The following PCDHGA4 variants were observed in gnomAD, a reference collection of about 807,000 sequenced individuals.
PCDHGA4 encodes the protein protocadherin gamma subfamily A, 4, also known as protocadherin gamma-A4.
A neutral mutation model predicts 54.6 loss-of-function variants in PCDHGA4; 38 were observed. The observed-to-expected ratio is 0.70, with a 90% CI of 0.54 to 0.91. PCDHGA4 has a LOEUF of 0.91. PCDHGA4 is among the 40% of genes least tolerant of loss of function. The pLI is 0.00. For missense variants in PCDHGA4, 1,298 were observed against 1,220.9 expected (o/e 1.06, Z -0.94); for synonymous variants, 511 against 512.9 (o/e 1.00, Z 0.05).
intron 1 of PCDHGA4, chr5:141,392,736 C>T: frequency 2.8e-6 from 4 of 1,429,672 alleles, no homozygotes; most frequent in Non-Finnish European, 3.7e-6. Context: ...TTGTCATCTC[C>T]ATAGCTGCGG....
chr5:141,505,590 A>G, intron 3 of PCDHGA4, 109 bp downstream of exon 3: 1 of 1,571,996 alleles, frequency 6.4e-7, no homozygotes, highest in East Asian at 2.3e-5. Context: ...TAGTTTCTCC[A>G]GATCTTTCGG....
intron 1 of PCDHGA4, 39 bp downstream of exon 1, chr5:141,357,660 A>G (rs1484445569): frequency 1.2e-6 from 2 of 1,605,080 alleles, no homozygotes; most frequent in South Asian, 2.2e-5. Flanking sequence ...ACACTGAAAT[A>G]TAGACAAAGA....
chr5:141,411,192 G>C (rs2095472836), intron 1 of PCDHGA4: 1 of 152,098 alleles, frequency 6.6e-6, no homozygotes, highest in African/African-American at 2.4e-5. Flanking sequence ...TGGCATCTAA[G>C]AAAACAAACA....
chr5:141,389,478 G>C (rs764977787), intron 1 of PCDHGA4: 1 of 1,613,150 alleles, frequency 6.2e-7, no homozygotes, highest in Non-Finnish European at 8.5e-7. Context: ...CACACTGCAG[G>C]CCCGCGACCA....
At chr5:141,422,171 T>C (rs1204753893) in intron 1 of PCDHGA4, 4 of 1,564,922 alleles carry the variant, frequency 2.6e-6, no homozygotes, top group Non-Finnish European at 3.4e-6. Context: ...AAATATAGAT[T>C]CTATGAGATG....
In PCDHGA4 at chr5:141,419,975, G is replaced by A. The variant is rs372316838; in HGVS notation, c.2514+62354G>A. ...CTTGATTTCTGTGCTCTTTCTCCTC[G>A]CGGTGATTCTAGCTATTGCTCTACG... On this transcript the variant is annotated intron_variant, in intron 1 of 3. Coordinates refer to ENST00000571252, the MANE Select transcript of PCDHGA4 (RefSeq NM_018917.4). 273 of 1,613,928 alleles carry A rather than the reference G, an allele frequency of 1.7e-4. No homozygotes were observed. The highest frequency in any genetic ancestry group is 2.2e-4 in the Non-Finnish European group (261 of 1,179,916).
At chr5:141,474,847 GC>G (rs1357496937) in intron 1 of PCDHGA4, among the ~76,000 whole-genome samples, 1 of 152,198 alleles carries the variant, frequency 6.6e-6, no homozygotes, top group East Asian at 1.9e-4. Context: ...CACTTTACCT[GC>G]CTTCTTCATT....
At chr5:141,469,012 C>T (rs1196140759) in intron 1 of PCDHGA4, among the ~76,000 whole-genome samples, 1 of 151,852 alleles carries the variant, frequency 6.6e-6, no homozygotes, top group Non-Finnish European at 1.5e-5. Flanking sequence ...TGCGGTGGGT[C>T]ACTCCTGTAA....
chr5:141,409,561 C>T (rs1296401858), intron 1 of PCDHGA4: 4 of 1,613,986 alleles, frequency 2.5e-6, no homozygotes, highest in Non-Finnish European at 3.4e-6. Context: ...CAGTTTTCGA[C>T]CAGACGTCCT....
intron 1 of PCDHGA4, chr5:141,415,215 C>A: frequency 6.2e-7 from 1 of 1,614,106 alleles, no homozygotes; most frequent in South Asian, 1.1e-5. Flanking sequence ...CGGACCTCGG[C>A]AGCTTCGAGT....
chr5:141,481,434 A>C (rs1374254063), intron 1 of PCDHGA4, among the ~76,000 whole-genome samples: 1 of 152,256 alleles, frequency 6.6e-6, no homozygotes, highest in East Asian at 1.9e-4. Context: ...TGATTGTATC[A>C]GTTTAGTACA....
intron 1 of PCDHGA4, chr5:141,359,994 C>A: frequency 9.3e-7 from 1 of 1,074,148 alleles, no homozygotes. Context: ...GGGGAACTTC[C>A]TGCACAAACC....
At chr5:141,441,932 C>A in intron 1 of PCDHGA4, 1 of 347,904 alleles carries the variant, frequency 2.9e-6, no homozygotes. Flanking sequence ...GCGTGGCTGT[C>A]CTACCACGTG....
chr5:141,396,525 C>T (rs2093390810), intron 1 of PCDHGA4: 1 of 151,326 alleles, frequency 6.6e-6, no homozygotes, highest in Non-Finnish European at 1.5e-5. Context: ...GAGGCTGAGG[C>T]AGAAGAATCA....
At chr5:141,365,067 A>G in intron 1 of PCDHGA4, 1 of 1,613,826 alleles carries the variant, frequency 6.2e-7, no homozygotes, top group Non-Finnish European at 8.5e-7. Context: ...ACCCCATCCG[A>G]GTACAGCGTG....
At position 141,372,429 on chromosome 5, in the gene PCDHGA4, C is replaced by T. The variant is rs754379317; in HGVS notation, c.2514+14808C>T. The T allele has an allele frequency of 2.5e-6, 4 of 1,614,042 alleles. No individual in the cohort carries two copies. In the Admixed American group the frequency reaches 6.7e-5, roughly 27 times the overall value. ...GATACAACCTGACCTTAGCGACCGC[C>T]CCACTCCCTCTGACCCTCAGGCGGA... On this transcript the variant is annotated intron_variant, in intron 1 of 3. Transcript: ENST00000571252.
At chr5:141,383,300 T>C in intron 1 of PCDHGA4, 1 of 1,613,968 alleles carries the variant, frequency 6.2e-7, no homozygotes, top group Non-Finnish European at 8.5e-7. Context: ...CCAAGATTCT[T>C]GACGGAAGAA....
intron 1 of PCDHGA4, among the ~76,000 whole-genome samples, chr5:141,362,928 G>A (rs1457664363): frequency 6.6e-6 from 1 of 152,184 alleles, no homozygotes; most frequent in Non-Finnish European, 1.5e-5. Context: ...AGTAAAGAGA[G>A]TCTTCATTTT....
intron 1 of PCDHGA4, chr5:141,377,921 A>C (rs1249670755): frequency 6.6e-6 from 1 of 152,150 alleles, no homozygotes; most frequent in African/African-American, 2.4e-5. Flanking sequence ...GTAAAAATCC[A>C]CCTGTAACTG....
Sources: allele counts gnomAD v4.1 joint callset (sites outside exome capture counted in the v4.1 genomes callset), GRCh38; gene constraint gnomAD v4.1.1; transcripts MANE v1.5; gene names NCBI Gene and HGNC (gene_info 2026-07-23, HGNC 2026-07-21).